VAV3: variants seen among roughly 807,000 people sequenced by gnomAD.
VAV3 encodes vav guanine nucleotide exchange factor 3.
VAV3 carries 94 observed loss-of-function variants against 131.2 expected under a neutral mutation model. The ratio of observed to expected loss-of-function variants is 0.72; its 90% confidence interval spans 0.61 to 0.85. The LOEUF is 0.85. Ranked by LOEUF, VAV3 falls within the 40% of genes least tolerant of loss-of-function variation. The pLI is 0.00. For missense variants in VAV3, 939 were observed against 1,002.7 expected (o/e 0.94, Z 0.86); for synonymous variants, 349 against 342.0 (o/e 1.02, Z -0.22).
intron 2 of VAV3, among the ~76,000 whole-genome samples, chr1:107,847,237 A>G (rs1276196573): frequency 6.6e-6 from 1 of 152,210 alleles, no homozygotes; most frequent in Non-Finnish European, 1.5e-5. Flanking sequence ...GAACAAAGAA[A>G]CAATGTGCCA....
intron 2 of VAV3, among the ~76,000 whole-genome samples, chr1:107,820,457 G>A (rs1667749284): frequency 6.6e-6 from 1 of 151,934 alleles, no homozygotes; most frequent in South Asian, 2.1e-4. Flanking sequence ...TGGTTACTGA[G>A]GCTAGGAAGG....
At chr1:107,722,483 C>T (rs1661556666) in intron 15 of VAV3, among the ~76,000 whole-genome samples, 1 of 152,132 alleles carries the variant, frequency 6.6e-6, no homozygotes, top group African/African-American at 2.4e-5. Flanking sequence ...ACACATGTGC[C>T]AGTGAGTCTC....
intron 19 of VAV3, among the ~76,000 whole-genome samples, chr1:107,677,321 A>C (rs560764456): frequency 6.6e-6 from 1 of 152,174 alleles, no homozygotes; most frequent in Non-Finnish European, 1.5e-5. Flanking sequence ...TACAAAGTCA[A>C]TATGTTTTGA....
intron 1 of VAV3, among the ~76,000 whole-genome samples, chr1:107,961,386 G>A (rs940140623): frequency 2.0e-5 from 3 of 151,826 alleles, no homozygotes; most frequent in Non-Finnish European, 4.4e-5. Flanking sequence ...AGCATGTGCC[G>A]CCCACCCAGT....
intron 2 of VAV3, among the ~76,000 whole-genome samples, chr1:107,860,137 T>A (rs1439879583): frequency 6.6e-6 from 1 of 152,144 alleles, no homozygotes; most frequent in Non-Finnish European, 1.5e-5. Flanking sequence ...GTTTTTGTTT[T>A]TGACAGGGAG....
At chr1:107,785,440 G>A (rs373397736) in intron 2 of VAV3, 11 of 1,329,944 alleles carry the variant, frequency 8.3e-6, no homozygotes, top group African/African-American at 4.6e-5. Flanking sequence ...AAGGAATTCC[G>A]AGGGAAAGGG....
chr1:107,934,495 CTAAGA>C (rs1673613297), intron 1 of VAV3, among the ~76,000 whole-genome samples: 1 of 152,128 alleles, frequency 6.6e-6, no homozygotes, highest in South Asian at 2.1e-4. Context: ...AGCCATTTAA[CTAAGA>C]TGAGTATTAG....
intron 20 of VAV3, among the ~76,000 whole-genome samples, chr1:107,619,571 CAGAAG>C (rs1173901313): frequency 5.3e-5 from 8 of 151,978 alleles, no homozygotes; most frequent in African/African-American, 1.7e-4. Context: ...TGATTAAGCT[CAGAAG>C]AGAAAAGAAT....
rs559848904 is a variant in VAV3, at chr1:107,856,473, T to C, written c.321+18428A>G. 5.3e-5 allele frequency among the ~76,000 whole-genome samples: 8 copies of C among 152,280 alleles called. No homozygotes were observed. In the East Asian group the frequency reaches 1.5e-3, roughly 29 times the overall value. The stretch of plus-strand genomic sequence containing the variant: ...TGAAATTTCTATCCAATATGCTGAT[T>C]TACTGATCAAAAGACACATGAAATT... On this transcript the variant is annotated intron_variant, in intron 2 of 26. Coordinates refer to ENST00000370056, the MANE Select transcript of VAV3 (RefSeq NM_006113.5).
At chr1:107,913,766 T>C (rs1473758236) in intron 1 of VAV3, among the ~76,000 whole-genome samples, 3 of 152,222 alleles carry the variant, frequency 2.0e-5, no homozygotes, top group Non-Finnish European at 4.4e-5. Flanking sequence ...ACAAAAATTT[T>C]AATTTACAAC....
intron 1 of VAV3, among the ~76,000 whole-genome samples, chr1:107,892,675 T>C (rs547323516): frequency 2.6e-5 from 4 of 152,196 alleles, no homozygotes; most frequent in Non-Finnish European, 5.9e-5. Context: ...ATAAATTTGC[T>C]ACATCAATAT....
At chr1:107,668,900 T>C (rs1657588490) in intron 19 of VAV3, 1 of 986,218 alleles carries the variant, frequency 1.0e-6, no homozygotes. Flanking sequence ...AGAGGCATGC[T>C]GTAACAGTTA....
At chr1:107,653,203 C>A (rs1656303304) in intron 19 of VAV3, among the ~76,000 whole-genome samples, 1 of 151,544 alleles carries the variant, frequency 6.6e-6, no homozygotes. Context: ...TCAGAGAATG[C>A]AAATGACTCT....
At chr1:107,711,005 A>G (rs1289033184) in intron 15 of VAV3, among the ~76,000 whole-genome samples, 3 of 152,206 alleles carry the variant, frequency 2.0e-5, no homozygotes, top group Non-Finnish European at 4.4e-5. Context: ...TATTGAAAAT[A>G]AAAGTTTTTG....
At chr1:107,935,514 C>T (rs957066349) in intron 1 of VAV3, among the ~76,000 whole-genome samples, 2 of 152,172 alleles carry the variant, frequency 1.3e-5, no homozygotes, top group African/African-American at 4.8e-5. Context: ...CTGACAAATA[C>T]ACAAATTTGG....
chr1:107,596,102 A>G, intron 25 of VAV3, 110 bp downstream of exon 25: 1 of 1,421,594 alleles, frequency 7.0e-7, no homozygotes, highest in Non-Finnish European at 9.5e-7. Flanking sequence ...TTGCTCATGC[A>G]TTAGCGCATC....
intron 12 of VAV3, among the ~76,000 whole-genome samples, chr1:107,754,480 T>C (rs944281810): frequency 2.6e-5 from 4 of 152,224 alleles, no homozygotes; most frequent in Non-Finnish European, 5.9e-5. Context: ...CACAGATTAA[T>C]CCAGGGCTGC....
At position 107,711,799 on chromosome 1, in the gene VAV3, T is replaced by C. The variant is rs368796349; in HGVS notation, c.1503-6738A>G. On this transcript the variant is annotated intron_variant, in intron 15 of 26. Coordinates refer to ENST00000370056, the MANE Select transcript of VAV3 (RefSeq NM_006113.5). ...GCCTCCCAGGTTCGAGCGATTCTCA[T>C]GCCTCAGCCTCCTGAGTAGCTGGAT... 3.9e-5 allele frequency among the ~76,000 whole-genome samples: 6 copies of C among 152,264 alleles called. No individual in the cohort carries two copies. In the East Asian group the frequency reaches 7.7e-4, roughly 20 times the overall value.
intron 1 of VAV3, among the ~76,000 whole-genome samples, chr1:107,922,526 A>T (rs1672947644): frequency 1.3e-5 from 2 of 152,198 alleles, no homozygotes; most frequent in South Asian, 2.1e-4. Flanking sequence ...TTGTTCTTGC[A>T]ACATGGCCTA....
Sources: allele counts gnomAD v4.1 joint callset (sites outside exome capture counted in the v4.1 genomes callset), GRCh38; gene constraint gnomAD v4.1.1; transcripts MANE v1.5; gene names NCBI Gene and HGNC (gene_info 2026-07-23, HGNC 2026-07-21).